Variants in MIER3 observed in about 807,000 individuals in gnomAD.
MIER3 encodes the protein mesoderm induction early response protein 3.
Under a neutral mutation model 63.2 loss-of-function variants are expected in MIER3, and 9 were observed. The ratio of observed to expected loss-of-function variants is 0.14; its 90% confidence interval spans 0.09 to 0.25. The LOEUF is 0.25. Ranked by LOEUF, MIER3 falls within the 10% of genes least tolerant of loss-of-function variation. MIER3 has a pLI of 1.00. For synonymous variants in MIER3, 205 were observed against 224.9 expected (o/e 0.91, Z 0.79); for missense variants, 512 against 666.2 (o/e 0.77, Z 2.55).
intron 5 of MIER3, among the ~76,000 whole-genome samples, chr5:56,936,369 A>G (rs780517483): frequency 3.6e-4 from 55 of 152,198 alleles, no homozygotes; most frequent in African/African-American, 1.3e-3. Context: ...ACAGAGTTGC[A>G]TATCAGGTCC....
At chr5:56,950,995 C>G (rs889788015) in intron 1 of MIER3, among the ~76,000 whole-genome samples, 8 of 152,082 alleles carry the variant, frequency 5.3e-5, no homozygotes, top group African/African-American at 1.7e-4. Context: ...CTGGCATCTC[C>G]GGAGTCCTCC....
chr5:56,938,756 AC>A, intron 4 of MIER3, 126 bp downstream of exon 4: 1 of 1,269,012 alleles, frequency 7.9e-7, no homozygotes. Flanking sequence ...TAAATCAGCC[AC>A]CAAAATAAGC....
rs948449250 is a variant in MIER3, at chr5:56,921,643, A to G, written c.*1485T>C. On this transcript the variant is annotated 3_prime_UTR_variant, in exon 13 of 13. Transcript: ENST00000381199. ...AATACCCTCCCTTTCAATCACTACT[A>G]AGATCACTACATCCTATCTACTCAT... 1 of 152,616 alleles carries G rather than the reference A, an allele frequency of 6.6e-6. No homozygotes were observed. Among genetic ancestry groups the G allele is most frequent in the African/African-American group, 2.4e-5 (1 of 41,452 alleles). 9.5% of individuals were successfully genotyped at this position (152,616 alleles called of 1,614,324 possible). A position where few individuals can be genotyped will look rare whatever the true frequency, so the allele number is the denominator to read the frequency against.
chr5:56,943,017 C>T (rs569020214), intron 3 of MIER3, among the ~76,000 whole-genome samples: 6 of 152,106 alleles, frequency 3.9e-5, no homozygotes, highest in South Asian at 4.1e-4. Context: ...TGGTGGGATA[C>T]ACCAGTAATC....
At position 56,947,075 on chromosome 5, in the gene MIER3, G is replaced by C; in HGVS notation, c.35-4C>G. On this transcript the variant is annotated splice_polypyrimidine_tract_variant and splice_region_variant and intron_variant, in intron 2 of 12. Coordinates refer to ENST00000381199, the MANE Select transcript of MIER3 (RefSeq NM_001297599.2). ...TCCTCAGAAGACAAAGACCCAACTG[G>C]AATAAAACAAACTGAATCACTTTAC... 6.3e-7 allele frequency: 1 copy of C among 1,599,656 alleles called. No individual in the cohort carries two copies. Among genetic ancestry groups the C allele is most frequent in the Non-Finnish European group, 8.5e-7 (1 of 1,175,728 alleles).
intron 7 of MIER3, 31 bp downstream of exon 7, chr5:56,935,397 A>C: frequency 6.6e-7 from 1 of 1,521,988 alleles, no homozygotes; most frequent in Non-Finnish European, 8.9e-7. Flanking sequence ...CTTATCTACC[A>C]AACATTATCA....
chr5:56,923,872 A>T (rs1422866117), intron 11 of MIER3, 39 bp from the exon 12 acceptor site: 1 of 1,614,050 alleles, frequency 6.2e-7, no homozygotes, highest in South Asian at 1.1e-5. Context: ...ACTATATATT[A>T]CAGTTAAAAG....
At chr5:56,933,180 T>C (rs1038314337) in intron 8 of MIER3, 67 bp downstream of exon 8, 2 of 1,423,290 alleles carry the variant, frequency 1.4e-6, no homozygotes, top group Non-Finnish European at 1.9e-6. Context: ...AAAATATCTG[T>C]ATCAAATATA....
At chr5:56,949,920 T>C (rs771417195) in intron 2 of MIER3, among the ~76,000 whole-genome samples, 3 of 152,198 alleles carry the variant, frequency 2.0e-5, no homozygotes, top group Non-Finnish European at 2.9e-5. Context: ...AAGGTCCTTA[T>C]GGACCTGCTA....
At chr5:56,930,002 G>C (rs1283079313) in intron 9 of MIER3, among the ~76,000 whole-genome samples, 1 of 152,078 alleles carries the variant, frequency 6.6e-6, no homozygotes, top group Non-Finnish European at 1.5e-5. Flanking sequence ...TTCTAAGGGA[G>C]ACATTTTAAT....
intron 1 of MIER3, among the ~76,000 whole-genome samples, chr5:56,951,702 G>C (rs976396983): frequency 1.3e-5 from 2 of 152,006 alleles, no homozygotes; most frequent in Non-Finnish European, 2.9e-5. Flanking sequence ...GCCGCGGAGG[G>C]GGGGCTCCGC....
chr5:56,928,069 A>T (rs562349732), intron 10 of MIER3: 5 of 152,148 alleles, frequency 3.3e-5, no homozygotes, highest in Admixed American at 6.5e-5. Flanking sequence ...AGTGCTGAAT[A>T]ATAGTCCAGT....
intron 8 of MIER3, among the ~76,000 whole-genome samples, chr5:56,931,852 G>A (rs967729979): frequency 4.6e-5 from 7 of 152,020 alleles, no homozygotes; most frequent in African/African-American, 1.4e-4. Flanking sequence ...GCAATTATGA[G>A]GTGTCAAAAA....
chr5:56,949,743 C>T (rs1022593304), intron 2 of MIER3, among the ~76,000 whole-genome samples: 1 of 152,188 alleles, frequency 6.6e-6, no homozygotes, highest in Non-Finnish European at 1.5e-5. Context: ...TGTGCTCCAC[C>T]ACTAACGAAA....
chr5:56,929,969 A>AT (rs951772687), intron 9 of MIER3, among the ~76,000 whole-genome samples: 3 of 152,096 alleles, frequency 2.0e-5, no homozygotes, highest in East Asian at 1.9e-4. Context: ...GCCTAAAATA[A>AT]TTTTTTTTCA....
chr5:56,942,432 G>C (rs1278726232), intron 3 of MIER3, among the ~76,000 whole-genome samples: 1 of 152,228 alleles, frequency 6.6e-6, no homozygotes, highest in African/African-American at 2.4e-5. Flanking sequence ...TTGATACAAG[G>C]AATGAAAGCA....
chr5:56,933,756 A>G (rs1029355557), intron 7 of MIER3, among the ~76,000 whole-genome samples: 1 of 152,170 alleles, frequency 6.6e-6, no homozygotes, highest in African/African-American at 2.4e-5. Flanking sequence ...TAATAACCTC[A>G]TTGGACTTTT....
At position 56,929,719 on chromosome 5, in the gene MIER3, C is replaced by A. The variant is rs567364700; in HGVS notation, c.830-858G>T. ...GTCCATGCTCTCAAAATAATAAATC[C>A]CATTCAATTTCCCAGCAGATGTTAA... On this transcript the variant is annotated intron_variant, in intron 9 of 12. Coordinates refer to ENST00000381199, the MANE Select transcript of MIER3 (RefSeq NM_001297599.2). The A allele has an allele frequency of 4.6e-5, 7 of 152,172 alleles. No individual in the cohort carries two copies. In the East Asian group the frequency reaches 1.4e-3, roughly 29 times the overall value. The allele number at this position is 152,172 out of a possible 1,614,324, so 9.4% of individuals were successfully genotyped here.
At chr5:56,941,361 T>A (rs1561242796) in intron 3 of MIER3, 4 of 157,210 alleles carry the variant, frequency 2.5e-5, no homozygotes, top group Non-Finnish European at 2.8e-5. Flanking sequence ...AATATAGGGC[T>A]GCCAAGTTTG....
Sources: allele counts gnomAD v4.1 joint callset (sites outside exome capture counted in the v4.1 genomes callset), GRCh38; gene constraint gnomAD v4.1.1; transcripts MANE v1.5; gene names NCBI Gene and HGNC (gene_info 2026-07-23, HGNC 2026-07-21).